The following LOXHD1 variants were observed in gnomAD, a reference collection of about 807,000 sequenced individuals.
LOXHD1 encodes lipoxygenase homology PLAT domains 1.
In LOXHD1, 205 loss-of-function variants were observed where a neutral mutation model predicts 248.2. The observed-to-expected ratio is 0.83, with a 90% confidence interval of 0.74 to 0.93. The LOEUF (loss-of-function observed/expected upper bound fraction) is 0.93, where lower values mean the gene tolerates loss of function less well. LOXHD1 is among the 40% of genes least tolerant of loss of function. The probability of loss-of-function intolerance (pLI) is 0.00; values close to 1 mark genes in which losing one functional copy is unlikely to be tolerated. For synonymous variants in LOXHD1, 1,113 were observed against 1,162.8 expected, an observed-to-expected ratio of 0.96 and a Z score of 0.87; for missense variants, 2,930 against 2,971.6, an observed-to-expected ratio of 0.99 and a Z score of 0.33.
chr18:46,628,016 C>T (rs1018656632), intron 4 of LOXHD1, among the ~76,000 whole-genome samples: 5 of 152,190 alleles, frequency 3.3e-5, no homozygotes, highest in African/African-American at 9.7e-5. Context: ...CCGCAAAATG[C>T]CCATTGAATC....
rs1174293298 is a variant in LOXHD1 at position 46,559,599 on chromosome 18, T to C, written c.3065A>G (p.Asn1022Ser). Residue 1022 changes from asparagine (N) to serine (S), a missense_variant, in exon 20 of 41, where the codon AAC becomes AGC. By Grantham distance (46) the Asn-to-Ser change is conservative (BLOSUM62 1). Transcript: ENST00000642948. ...VPAGKPGPER[N>S]TYEVQVVTGN... ...CGTGACCACCTGAACCTCATAGGTG[T>C]TTCCTGTAGACACAGAAAGATGCAG... 1 of 1,551,638 alleles carries C rather than the reference T, an allele frequency of 6.4e-7. No individual in the cohort carries two copies. Among genetic ancestry groups the C allele is most frequent in the Admixed American group, 2.0e-5 (1 of 51,004 alleles).
At chr18:46,504,756 G>C (rs2034453611) in intron 37 of LOXHD1, among the ~76,000 whole-genome samples, 1 of 152,342 alleles carries the variant, frequency 6.6e-6, no homozygotes, top group South Asian at 2.1e-4. Flanking sequence ...GAAGAAGTGA[G>C]GAACAACACA....
chr18:46,622,958 C>T (rs943468590), intron 4 of LOXHD1, among the ~76,000 whole-genome samples: 6 of 152,188 alleles, frequency 3.9e-5, no homozygotes, highest in Non-Finnish European at 7.3e-5. Flanking sequence ...GCACTGAGTG[C>T]ACCCCTGTTC....
intron 38 of LOXHD1, among the ~76,000 whole-genome samples, chr18:46,487,207 G>T (rs2033120283): frequency 6.6e-6 from 1 of 152,162 alleles, no homozygotes; most frequent in Admixed American, 6.5e-5. Flanking sequence ...AGCTACTGTG[G>T]GCTTAGGAGG....
At position 46,623,979 on chromosome 18, in the gene LOXHD1, A is replaced by T. The variant is rs116789958; in HGVS notation, c.512-5689T>A. On this transcript the variant is annotated intron_variant, in intron 4 of 40. Transcript: ENST00000642948. ...GTAACTAAGCCCCCATCTCATCAAGACCCAGTGCGATCTGAACCTCAGGGA... is the reference window on the plus strand; with the variant it reads ...GTAACTAAGCCCCCATCTCATCAAGTCCCAGTGCGATCTGAACCTCAGGGA... 8.3e-3 allele frequency among the ~76,000 whole-genome samples: 1,267 copies of T among 152,304 alleles called. 30 individuals carry two copies. The highest frequency in any genetic ancestry group is 0.029 in the African/African-American group (1,223 of 41,562).
chr18:46,642,206 G>A (rs1216467168), intron 2 of LOXHD1, among the ~76,000 whole-genome samples, 170 bp from the exon 3 acceptor site: 2 of 152,206 alleles, frequency 1.3e-5, no homozygotes, highest in African/African-American at 2.4e-5. Context: ...CCAGGGGAGG[G>A]CAGGGACTGC....
chr18:46,495,475 G>A (rs901015572), intron 37 of LOXHD1, among the ~76,000 whole-genome samples: 2 of 152,184 alleles, frequency 1.3e-5, no homozygotes, highest in African/African-American at 4.8e-5. Flanking sequence ...ATCACTGGAT[G>A]AGTCCATTAG....
At position 46,538,018 on chromosome 18, in the gene LOXHD1, G is replaced by A. The variant is rs2036389540; in HGVS notation, c.4095+138C>T. On this transcript the variant is annotated intron_variant, in intron 26 of 40. Coordinates refer to ENST00000642948, the MANE Select transcript of LOXHD1 (RefSeq NM_001384474.1). ...CTTGGATGTACTGAGGCCCAGGAAG[G>A]TAGGATGAGCTGCTCACCTTCCTCT... 6 of 735,594 alleles carry A rather than the reference G, an allele frequency of 8.2e-6. No homozygotes were observed. The East Asian group carries it at 1.6e-4, about 20-fold the overall frequency. The allele number at this position is 735,594 out of a possible 1,614,324, so 45.6% of individuals were successfully genotyped here.
chr18:46,560,070 ACG>A lies in LOXHD1; in HGVS notation c.3061+11_3061+12del. ...CACTCCCTCCCCACCCCCACCCCCC[ACG>A]ACCCACTTACGCTCAGGACCCGGCT... On this transcript the variant is annotated intron_variant, in intron 19 of 40. Transcript: ENST00000642948. 4.9e-5 allele frequency: 11 copies of A among 225,822 alleles called. No homozygotes were observed. Among genetic ancestry groups the A allele is most frequent in the Non-Finnish European group, 7.1e-5 (9 of 127,570 alleles). 14.0% of individuals were successfully genotyped at this position (225,822 alleles called of 1,614,324 possible).
intron 4 of LOXHD1, among the ~76,000 whole-genome samples, chr18:46,635,670 A>C (rs1273977063): frequency 6.6e-6 from 1 of 152,226 alleles, no homozygotes; most frequent in African/African-American, 2.4e-5. Context: ...TTGTGAATTT[A>C]TGTTAATATC....
intron 34 of LOXHD1, among the ~76,000 whole-genome samples, chr18:46,512,375 C>T (rs577673171): frequency 6.6e-6 from 1 of 152,132 alleles, no homozygotes; most frequent in African/African-American, 2.4e-5. Flanking sequence ...TAATTGTACC[C>T]CCAAACCAAT....
rs752983787 is a variant in LOXHD1 at position 46,489,004 on chromosome 18, T to C, written c.6017A>G (p.Asn2006Ser). The change falls in exon 38 of 41, where the codon AAC becomes AGC. Residue 2006 changes from asparagine (N) to serine (S), a missense_variant. Physicochemically the swap from Asn to Ser is conservative, Grantham distance 46 (BLOSUM62 1). Transcript: ENST00000642948. Reference protein sequence around the residue: ...GQTVRDFACANNKICDELEET... With the variant: ...GQTVRDFACASNKICDELEET... ...TTCCAGCTCATCACAGATCTTGTTGTTGGCACAGGCAAAGTCGCGGACCGT... is the reference window on the plus strand; with the variant it reads ...TTCCAGCTCATCACAGATCTTGTTGCTGGCACAGGCAAAGTCGCGGACCGT... The C allele has an allele frequency of 5.2e-6, 8 of 1,551,740 alleles. No individual in the cohort carries two copies. The highest frequency in any genetic ancestry group is 3.6e-5 in the South Asian group (3 of 84,052).
chr18:46,630,164 T>G (rs1243828927), intron 4 of LOXHD1, among the ~76,000 whole-genome samples: 1 of 152,112 alleles, frequency 6.6e-6, no homozygotes, highest in Non-Finnish European at 1.5e-5. Context: ...AGTGCCTGAG[T>G]CTGAAACATT....
chr18:46,530,510 G>T (rs886137909), intron 28 of LOXHD1, among the ~76,000 whole-genome samples: 2 of 152,256 alleles, frequency 1.3e-5, no homozygotes, highest in South Asian at 4.2e-4. Flanking sequence ...GAGCACAGCT[G>T]GGAGTGGCAC....
At chr18:46,606,944 T>A (rs1407719412) in intron 6 of LOXHD1, among the ~76,000 whole-genome samples, 1 of 151,986 alleles carries the variant, frequency 6.6e-6, no homozygotes. Context: ...AGCGGCCATA[T>A]CACCTAAGGT....
chr18:46,607,316 T>C (rs1010376718), intron 6 of LOXHD1, among the ~76,000 whole-genome samples: 3 of 150,634 alleles, frequency 2.0e-5, no homozygotes, highest in Admixed American at 6.6e-5. Flanking sequence ...CATATATATA[T>C]ACACATATAT....
chr18:46,518,179 G>A lies in LOXHD1; in HGVS notation c.5349C>T (p.Tyr1783=), dbSNP rs201819544. 1.5e-5 allele frequency: 24 copies of A among 1,551,642 alleles called. No homozygotes were observed. Among genetic ancestry groups the A allele is most frequent in the African/African-American group, 9.6e-5 (7 of 73,132 alleles). The change falls in exon 34 of 41, where the codon TAC becomes TAT. Residue 1783 remains tyrosine (Y), a synonymous_variant. Coordinates refer to ENST00000642948, the MANE Select transcript of LOXHD1 (RefSeq NM_001384474.1). The part of the protein sequence containing the change: ...GTDSNIFMTL[Y]GINGSTEEMQ... Reference sequence around the variant, plus strand: ...TCTCCTCTGTGCTCCCGTTGATGCCGTAGAGGGTCATGAAGATGTTGGAGT... The same window carrying A: ...TCTCCTCTGTGCTCCCGTTGATGCCATAGAGGGTCATGAAGATGTTGGAGT...
intron 40 of LOXHD1, among the ~76,000 whole-genome samples, chr18:46,482,503 G>A (rs949290625): frequency 2.0e-5 from 3 of 152,220 alleles, no homozygotes; most frequent in Non-Finnish European, 4.4e-5. Context: ...CTCCAAAGCT[G>A]TGAGAAATAG....
rs1401468549 is a variant in LOXHD1, at chr18:46,546,979, C to T, written c.3430G>A (p.Glu1144Lys). The change falls in exon 22 of 41, where the codon GAG becomes AAG. Residue 1144 changes from glutamate to lysine, a missense_variant. By Grantham distance (56) the Glu-to-Lys change is moderately conservative. Coordinates refer to ENST00000642948, the MANE Select transcript of LOXHD1 (RefSeq NM_001384474.1). ...QLSRELLPVD[E>K]SYVLPQSEEG... Reference sequence around the variant, plus strand: ...TCGCTCTGTGGCAGCACATAGGACTCATCCACTGGCAACAGCTCCCTGGAC... The same window carrying T: ...TCGCTCTGTGGCAGCACATAGGACTTATCCACTGGCAACAGCTCCCTGGAC... The T allele has an allele frequency of 6.4e-7, 1 of 1,551,764 alleles. No homozygotes were observed.
Sources: gnomAD v4.1 joint callset for allele counts (sites outside exome capture counted in the v4.1 genomes callset) on GRCh38, gnomAD v4.1.1 for gene constraint, MANE v1.5 for transcripts, NCBI Gene and HGNC (gene_info 2026-07-23, HGNC 2026-07-21) for gene names.